HESX1: variants seen among roughly 807,000 people sequenced by gnomAD.
HESX1 encodes HESX homeobox 1.
HESX1 carries 11 observed loss-of-function variants against 22.5 expected under a neutral mutation model. That is an observed-to-expected ratio of 0.49 (90% CI 0.31 to 0.81). The LOEUF is 0.81. Among genes scored for constraint, HESX1 ranks in the 30% least tolerant of loss-of-function variants. The probability of loss-of-function intolerance (pLI) is 0.05; values close to 1 mark genes in which losing one functional copy is unlikely to be tolerated. For synonymous variants in HESX1, 74 were observed against 76.5 expected, an observed-to-expected ratio of 0.97 and a Z score of 0.17; for missense variants, 201 against 212.6, an observed-to-expected ratio of 0.95 and a Z score of 0.34.
intron 1 of HESX1, among the ~76,000 whole-genome samples, chr3:57,215,521 C>A (rs2060578114): frequency 6.6e-6 from 1 of 152,182 alleles, no homozygotes. Context: ...GTAATCCCAG[C>A]ACTTCTGGAG....
upstream of HESX1, among the ~76,000 whole-genome samples, chr3:57,200,232 A>C (rs1377082965): frequency 1.3e-5 from 2 of 152,270 alleles, no homozygotes; most frequent in Non-Finnish European, 1.5e-5. Context: ...CTTTCTCTAA[A>C]GAAGTGATGC....
chr3:57,206,227 T>C (rs1488973675), intron 1 of HESX1, among the ~76,000 whole-genome samples: 1 of 151,974 alleles, frequency 6.6e-6, no homozygotes, highest in Non-Finnish European at 1.5e-5. Flanking sequence ...AACAAAACAG[T>C]GCTTAGCTCA....
Position 57,198,512 on chromosome 3 carries a change from A to C in HESX1, c.358-20T>G. ...TTCAATCTAAGAAAAAAAAATGTTG[A>C]TATTCAGTATGTCTCCAAAAATGAG... On this transcript the variant is annotated intron_variant, in intron 2 of 3. Coordinates refer to ENST00000295934, the MANE Select transcript of HESX1 (RefSeq NM_003865.3). 7.2e-7 allele frequency: 1 copy of C among 1,385,328 alleles called. No individual in the cohort carries two copies. The highest frequency in any genetic ancestry group is 1.2e-5 in the South Asian group (1 of 84,302). The allele number at this position is 1,385,328 out of a possible 1,614,324, so 85.8% of individuals were successfully genotyped here.
At chr3:57,200,225 T>G (rs2060477515), upstream of HESX1, among the ~76,000 whole-genome samples, 2 of 152,244 alleles carry the variant, frequency 1.3e-5, no homozygotes, top group Admixed American at 1.3e-4. Flanking sequence ...GACTTAACTT[T>G]CTCTAAAGAA....
chr3:57,198,126 A>T lies in HESX1; in HGVS notation c.*71T>A. ...TGCAGGAAAGAAAACATCACATTTTAACACTTAATATTTCCACTGATTCTT... is the reference window on the plus strand; with the variant it reads ...TGCAGGAAAGAAAACATCACATTTTTACACTTAATATTTCCACTGATTCTT... On this transcript the variant is annotated 3_prime_UTR_variant, in exon 4 of 4. Coordinates refer to ENST00000295934, the MANE Select transcript of HESX1 (RefSeq NM_003865.3). The T allele has an allele frequency of 3.1e-6, 3 of 961,412 alleles. No homozygotes were observed. Among genetic ancestry groups the T allele is most frequent in the Non-Finnish European group, 5.0e-6 (3 of 598,456 alleles). The allele number at this position is 961,412 out of a possible 1,614,324, so 59.6% of individuals were successfully genotyped here. A position where few individuals can be genotyped will look rare whatever the true frequency, so the allele number is the denominator to read the frequency against.
chr3:57,217,814 C>A lies in HESX1; in HGVS notation c.-111+8482G>T, dbSNP rs2060590928. Among the ~76,000 whole-genome samples, 3 of 152,274 alleles carry A rather than the reference C, an allele frequency of 2.0e-5. No individual in the cohort carries two copies. In the South Asian group the frequency reaches 6.2e-4, roughly 32 times the overall value. On this transcript the variant is annotated intron_variant, in intron 1 of 2. Transcript: ENST00000495160. Reference sequence around the variant, plus strand: ...TCATGCAGGTGCCCTCTTCACCCCACTTTTGTTCCAACATCCGGCCACCAA... The same window carrying A: ...TCATGCAGGTGCCCTCTTCACCCCAATTTTGTTCCAACATCCGGCCACCAA...
At chr3:57,222,668 C>T (rs950459251) in intron 1 of HESX1, among the ~76,000 whole-genome samples, 4 of 152,040 alleles carry the variant, frequency 2.6e-5, no homozygotes, top group African/African-American at 7.2e-5. Context: ...ACTCACCACC[C>T]GCCAAACAAA....
rs749013599 is a variant in HESX1 at position 57,225,791 on chromosome 3, C to G, written c.-111+505G>C. ...ACCATTTAACTTGACAATACCACAC[C>G]CAGATAATTCAGATAACTAATCGAA... is the stretch of plus-strand genomic sequence containing the variant. On this transcript the variant is annotated intron_variant, in intron 1 of 2. Transcript: ENST00000495160. Among the ~76,000 whole-genome samples, 19 of 152,186 alleles carry G rather than the reference C, an allele frequency of 1.2e-4. No homozygotes were observed. The East Asian group carries it at 3.7e-3, about 29-fold the overall frequency.
upstream of HESX1, among the ~76,000 whole-genome samples, chr3:57,227,567 G>C (rs2060655726): frequency 6.6e-6 from 1 of 152,240 alleles, no homozygotes; most frequent in African/African-American, 2.4e-5. Context: ...CCATCCCAGG[G>C]CAGACACTGC....
rs2107563515 is a variant in HESX1 at position 57,198,017 on chromosome 3, A to G, written c.*180T>C. On this transcript the variant is annotated 3_prime_UTR_variant, in exon 4 of 4. Transcript: ENST00000295934. Reference sequence around the variant, plus strand: ...AAAATATATATAAAAGGTCTTTACTATAACTAAAAGTGCCCAAATATGTAC... The same window carrying G: ...AAAATATATATAAAAGGTCTTTACTGTAACTAAAAGTGCCCAAATATGTAC... The G allele has an allele frequency of 1.9e-6, 1 of 515,196 alleles. No individual in the cohort carries two copies. The highest frequency in any genetic ancestry group is 3.0e-5 in the East Asian group (1 of 32,788). The allele number at this position is 515,196 out of a possible 1,614,324, so 31.9% of individuals were successfully genotyped here. A position where few individuals can be genotyped will look rare whatever the true frequency, so the allele number is the denominator to read the frequency against.
At chr3:57,225,040 T>C (rs1244723678) in intron 1 of HESX1, among the ~76,000 whole-genome samples, 2 of 152,198 alleles carry the variant, frequency 1.3e-5, no homozygotes, top group African/African-American at 4.8e-5. Flanking sequence ...TGAACAAGCC[T>C]CATTTCCTGT....
chr3:57,199,567 C>G (rs1387397038), intron 1 of HESX1, among the ~76,000 whole-genome samples, 195 bp downstream of exon 1: 2 of 150,274 alleles, frequency 1.3e-5, no homozygotes, highest in Non-Finnish European at 3.0e-5. Context: ...TGCAGTGAGC[C>G]AAGATTATGC....
At chr3:57,219,997 A>G (rs1579366575) in intron 1 of HESX1, among the ~76,000 whole-genome samples, 1 of 152,164 alleles carries the variant, frequency 6.6e-6, no homozygotes, top group African/African-American at 2.4e-5. Context: ...TCTTCAATCC[A>G]TCTTTAATTG....
At chr3:57,218,819 G>A (rs1385778051) in intron 1 of HESX1, among the ~76,000 whole-genome samples, 2 of 152,108 alleles carry the variant, frequency 1.3e-5, no homozygotes, top group East Asian at 3.9e-4. Flanking sequence ...GTCTACCATT[G>A]ATGGACATTT....
At chr3:57,226,795 G>A (rs1007960631), upstream of HESX1, among the ~76,000 whole-genome samples, 1 of 152,128 alleles carries the variant, frequency 6.6e-6, no homozygotes, top group Non-Finnish European at 1.5e-5. Flanking sequence ...ATGTTTAGAA[G>A]ACACTACTTA....
rs1044728975 is a variant in HESX1, at chr3:57,216,661, T to G, written c.-111+9635A>C. 2.6e-5 allele frequency among the ~76,000 whole-genome samples: 4 copies of G among 152,174 alleles called. No homozygotes were observed. The East Asian group carries it at 5.8e-4, about 22-fold the overall frequency. ...ATGTTTCCTCGTGACTAGGTTCAGG[T>G]TGAGCATCTTTGGTAGGAATGTCAC... On this transcript the variant is annotated intron_variant, in intron 1 of 2. Transcript: ENST00000495160.
At chr3:57,209,686 A>AAAAAG (rs1559500131) in intron 1 of HESX1, among the ~76,000 whole-genome samples, 1 of 151,728 alleles carries the variant, frequency 6.6e-6, no homozygotes, top group Non-Finnish European at 1.5e-5. Flanking sequence ...AAAAAAAAAA[A>AAAAAG]AAAAGAAAAG....
intron 1 of HESX1, among the ~76,000 whole-genome samples, chr3:57,212,528 C>A: frequency 7.8e-6 from 1 of 127,880 alleles, no homozygotes. Context: ...CACTGCACTC[C>A]AGCCTGGGGA....
chr3:57,199,152 C>T (rs1411659397), intron 1 of HESX1, among the ~76,000 whole-genome samples, 200 bp from the exon 2 acceptor site: 2 of 152,116 alleles, frequency 1.3e-5, no homozygotes, highest in Non-Finnish European at 2.9e-5. Context: ...CTCTGAATGT[C>T]GTTTATTTTT....
Sources: allele counts gnomAD v4.1 joint callset (sites outside exome capture counted in the v4.1 genomes callset), GRCh38; gene constraint gnomAD v4.1.1; transcripts MANE v1.5; gene names NCBI Gene and HGNC (gene_info 2026-07-23, HGNC 2026-07-21).